The following SH3RF3 variants were observed in gnomAD, a reference collection of about 807,000 sequenced individuals.
The protein encoded by SH3RF3 is E3 ubiquitin-protein ligase SH3RF3.
In SH3RF3, 29 loss-of-function variants were observed where a neutral mutation model predicts 66.3. The observed-to-expected ratio is 0.44, with a 90% CI of 0.33 to 0.60. The LOEUF is 0.60. Ranked by LOEUF, SH3RF3 falls within the 20% of genes least tolerant of loss-of-function variation. The pLI is 0.04. For synonymous variants in SH3RF3, 583 were observed against 532.0 expected (o/e 1.10, Z -1.32); for missense variants, 1,194 against 1,190.9 (o/e 1.00, Z -0.04).
chr2:109,215,266 A>G (rs1679081137), intron 1 of SH3RF3, among the ~76,000 whole-genome samples: 1 of 152,162 alleles, frequency 6.6e-6, no homozygotes, highest in South Asian at 2.1e-4. Flanking sequence ...GGTAGGGGAG[A>G]AGGCCACTTT....
chr2:109,490,597 C>A lies in SH3RF3; in HGVS notation c.2149-8C>A. ...CCTGTTTGGTTTCCATCTTGTGTGTCTCCCCAGAAAGAGAAGAAGAGTGGG... is the reference window on the plus strand; with the variant it reads ...CCTGTTTGGTTTCCATCTTGTGTGTATCCCCAGAAAGAGAAGAAGAGTGGG... On this transcript the variant is annotated splice_region_variant and splice_polypyrimidine_tract_variant and intron_variant, in intron 8 of 9. Transcript: ENST00000309415. 7.0e-7 allele frequency: 1 copy of A among 1,420,250 alleles called. No homozygotes were observed. The highest frequency in any genetic ancestry group is 1.5e-5 in the South Asian group (1 of 64,684). The allele number at this position is 1,420,250 out of a possible 1,614,324, so 88.0% of individuals were successfully genotyped here.
chr2:109,234,108 G>A (rs1441259642), intron 1 of SH3RF3, among the ~76,000 whole-genome samples: 1 of 152,164 alleles, frequency 6.6e-6, no homozygotes, highest in African/African-American at 2.4e-5. Context: ...GTGAATGTGT[G>A]TTTAATTTCC....
intron 4 of SH3RF3, among the ~76,000 whole-genome samples, chr2:109,414,502 GA>G (rs1294697530): frequency 1.3e-5 from 2 of 152,130 alleles, no homozygotes; most frequent in African/African-American, 4.8e-5. Flanking sequence ...CAATGGACAC[GA>G]GGAGCAATCA....
intron 9 of SH3RF3, among the ~76,000 whole-genome samples, chr2:109,496,267 C>A (rs1215318489): frequency 6.6e-6 from 1 of 152,048 alleles, no homozygotes; most frequent in Non-Finnish European, 1.5e-5. Flanking sequence ...ATTTTATAAT[C>A]CTCTTGCTAG....
At chr2:109,389,551 C>T (rs928544768) in intron 3 of SH3RF3, among the ~76,000 whole-genome samples, 7 of 152,290 alleles carry the variant, frequency 4.6e-5, no homozygotes, top group East Asian at 1.9e-4. Flanking sequence ...ATCAATGGAT[C>T]GTTTGAAAAC....
chr2:109,177,488 C>T (rs1391756916), intron 1 of SH3RF3, among the ~76,000 whole-genome samples: 1 of 152,068 alleles, frequency 6.6e-6, no homozygotes, highest in Non-Finnish European at 1.5e-5. Context: ...TCCGTGACTC[C>T]TTGGAACTGT....
chr2:109,227,964 T>C (rs1427511100), intron 1 of SH3RF3, among the ~76,000 whole-genome samples: 2 of 152,192 alleles, frequency 1.3e-5, no homozygotes, highest in South Asian at 2.1e-4. Context: ...CTTTTCTGGC[T>C]CAAGGGGCAT....
intron 3 of SH3RF3, among the ~76,000 whole-genome samples, chr2:109,385,377 T>A (rs939490415): frequency 5.3e-5 from 8 of 152,248 alleles, no homozygotes; most frequent in African/African-American, 1.9e-4. Flanking sequence ...ACCTCCCATG[T>A]CACTCTGCAG....
At chr2:109,408,705 A>AT (rs1210032627) in intron 4 of SH3RF3, among the ~76,000 whole-genome samples, 11 of 152,320 alleles carry the variant, frequency 7.2e-5, no homozygotes, top group African/African-American at 2.2e-4. Flanking sequence ...GAACAAAAGG[A>AT]TTTTTCAAAG....
At chr2:109,222,847 C>T (rs556936075) in intron 1 of SH3RF3, among the ~76,000 whole-genome samples, 1 of 152,242 alleles carries the variant, frequency 6.6e-6, no homozygotes, top group East Asian at 1.9e-4. Flanking sequence ...CAGCCAGCAG[C>T]GCAGGTCCTC....
At position 109,142,962 on chromosome 2, in the gene SH3RF3, C is replaced by T. The variant is rs187681107; in HGVS notation, c.573+12849C>T. Among the ~76,000 whole-genome samples, 109 of 152,088 alleles carry T rather than the reference C, an allele frequency of 7.2e-4. 2 individuals are homozygous for T. Among genetic ancestry groups the T allele is most frequent in the African/African-American group, 1.7e-3 (71 of 41,490 alleles). The stretch of plus-strand genomic sequence containing the variant: ...CAGCACATGGGTGGTAGTGGAGTGC[C>T]GGGGGCTTGGGGCTGGTGTCCTGGC... On this transcript the variant is annotated intron_variant, in intron 1 of 9. Transcript: ENST00000309415.
chr2:109,131,313 G>C (rs1239050247), intron 1 of SH3RF3, among the ~76,000 whole-genome samples: 2 of 152,212 alleles, frequency 1.3e-5, no homozygotes, highest in East Asian at 3.9e-4. Flanking sequence ...GGGTCACTTG[G>C]GGGGCACTGC....
intron 1 of SH3RF3, among the ~76,000 whole-genome samples, chr2:109,249,513 C>CTTTCTTTCTT (rs1553491215): frequency 4.6e-5 from 2 of 43,622 alleles, no homozygotes; most frequent in South Asian, 1.5e-3. Flanking sequence ...TTCTTTCATT[C>CTTTCTTTCTT]TTTCTTTTTC....
intron 1 of SH3RF3, among the ~76,000 whole-genome samples, chr2:109,252,559 A>G (rs1168083777): frequency 2.0e-5 from 3 of 152,340 alleles, no homozygotes; most frequent in East Asian, 3.9e-4. Context: ...GGGATATTTC[A>G]GGCAAACTAG....
chr2:109,317,363 A>C (rs1241630163), intron 1 of SH3RF3, among the ~76,000 whole-genome samples: 2 of 152,064 alleles, frequency 1.3e-5, no homozygotes, highest in African/African-American at 4.8e-5. Context: ...CCCCAGCCCC[A>C]GGGGGTGGAG....
chr2:109,137,612 C>T (rs1264492389), intron 1 of SH3RF3, among the ~76,000 whole-genome samples: 1 of 152,190 alleles, frequency 6.6e-6, no homozygotes, highest in Non-Finnish European at 1.5e-5. Flanking sequence ...ATCTAAGATA[C>T]ATTCATGGGT....
chr2:109,160,991 TG>T (rs1324372978), intron 1 of SH3RF3, among the ~76,000 whole-genome samples: 1 of 151,946 alleles, frequency 6.6e-6, no homozygotes, highest in East Asian at 1.9e-4. Flanking sequence ...GGGGGATCCC[TG>T]GGAGAACTGA....
chr2:109,445,765 G>A (rs914988255), intron 7 of SH3RF3, among the ~76,000 whole-genome samples: 4 of 152,112 alleles, frequency 2.6e-5, no homozygotes, highest in Non-Finnish European at 5.9e-5. Context: ...AGGGGGGTTG[G>A]CTTGGAGTTG....
chr2:109,500,076 G>T (rs1679351760), intron 9 of SH3RF3, among the ~76,000 whole-genome samples: 1 of 152,170 alleles, frequency 6.6e-6, no homozygotes, highest in Non-Finnish European at 1.5e-5. Flanking sequence ...GACAGTGTGT[G>T]GCTGTCCTCA....
Sources: gnomAD v4.1 joint callset for allele counts (sites outside exome capture counted in the v4.1 genomes callset) on GRCh38, gnomAD v4.1.1 for gene constraint, MANE v1.5 for transcripts, NCBI Gene and HGNC (gene_info 2026-07-23, HGNC 2026-07-21) for gene names.